Variants in CCDC60 observed in about 807,000 individuals in gnomAD.
The protein encoded by CCDC60 is coiled-coil domain containing 60.
In CCDC60, 54 loss-of-function variants were observed where a neutral mutation model predicts 63.5. The observed-to-expected ratio is 0.85, with a 90% confidence interval of 0.68 to 1.07. CCDC60 has a LOEUF of 1.07. Ranked by LOEUF, CCDC60 falls within the 50% of genes least tolerant of loss-of-function variation. CCDC60 has a pLI of 0.00. For synonymous variants in CCDC60, 206 were observed against 238.8 expected (o/e 0.86, Z 1.27); for missense variants, 651 against 684.3 (o/e 0.95, Z 0.54).
intron 1 of CCDC60, among the ~76,000 whole-genome samples, chr12:119,354,291 C>A (rs888778213): frequency 2.0e-5 from 3 of 152,184 alleles, no homozygotes; most frequent in African/African-American, 7.2e-5. Context: ...GACTTTCAGA[C>A]CAATTGCTAG....
intron 2 of CCDC60, among the ~76,000 whole-genome samples, chr12:119,432,609 T>C (rs1043798797): frequency 6.6e-6 from 1 of 152,136 alleles, no homozygotes; most frequent in Non-Finnish European, 1.5e-5. Context: ...TGTAGACAAA[T>C]GGCTGTTGAT....
intron 1 of CCDC60, among the ~76,000 whole-genome samples, chr12:119,340,965 C>T (rs1162838390): frequency 1.3e-5 from 2 of 152,200 alleles, no homozygotes; most frequent in African/African-American, 4.8e-5. Flanking sequence ...TTATATCACT[C>T]ATGACTTAAG....
In CCDC60 at chr12:119,430,743, C is replaced by T. The variant is rs1566005158; in HGVS notation, c.170+1981C>T. 4.0e-5 allele frequency among the ~76,000 whole-genome samples: 6 copies of T among 151,524 alleles called. No homozygotes were observed. In the South Asian group the frequency reaches 1.3e-3, roughly 32 times the overall value. On this transcript the variant is annotated intron_variant, in intron 2 of 13. Coordinates refer to ENST00000327554, the MANE Select transcript of CCDC60 (RefSeq NM_178499.5). ...GCCATCTGCAAGCCTAGGAGAGAGA[C>T]CTCAGGAGAAACCGACCCTGCTGGC...
chr12:119,399,984 A>G (rs1956359527), intron 1 of CCDC60, among the ~76,000 whole-genome samples: 1 of 151,936 alleles, frequency 6.6e-6, no homozygotes, highest in African/African-American at 2.4e-5. Context: ...TGAAAATGCT[A>G]CTAAGCTAGT....
chr12:119,335,620 T>G (rs1324004859), intron 1 of CCDC60, among the ~76,000 whole-genome samples: 1 of 151,840 alleles, frequency 6.6e-6, no homozygotes, highest in African/African-American at 2.4e-5. Flanking sequence ...TCTGTTCATG[T>G]CCTTTGCCCA....
chr12:119,379,092 T>C (rs533896531), intron 1 of CCDC60, among the ~76,000 whole-genome samples: 11 of 152,264 alleles, frequency 7.2e-5, no homozygotes, highest in African/African-American at 1.9e-4. Flanking sequence ...AATTCCAGCA[T>C]TGAAGAGGAG....
chr12:119,392,892 C>T (rs1038068272), intron 1 of CCDC60, among the ~76,000 whole-genome samples: 1 of 152,144 alleles, frequency 6.6e-6, no homozygotes, highest in Admixed American at 6.5e-5. Flanking sequence ...CAGTGGCTTA[C>T]ACCTGTAATC....
intron 9 of CCDC60, among the ~76,000 whole-genome samples, chr12:119,520,772 C>A (rs1952504921): frequency 6.6e-6 from 1 of 152,124 alleles, no homozygotes; most frequent in South Asian, 2.1e-4. Flanking sequence ...AAACTCCTGA[C>A]CTCAAGTGAT....
At chr12:119,427,738 A>G (rs1956926693) in intron 1 of CCDC60, among the ~76,000 whole-genome samples, 1 of 152,206 alleles carries the variant, frequency 6.6e-6, no homozygotes, top group South Asian at 2.1e-4. Flanking sequence ...TTTAAAAAAA[A>G]TCCTAAGGTG....
At position 119,335,181 on chromosome 12, in the gene CCDC60, C is replaced by G; in HGVS notation, c.5C>G (p.Thr2Ser). ...AAAACCTGAAGGATTTTTAAGATGA[C>G]CAAGGTTCCAGCCACCAAGAAGCTT... is the stretch of plus-strand genomic sequence containing the variant. M[T>S]KVPATKKLQS... Residue 2 changes from threonine to serine, a missense_variant, in exon 1 of 14, where the codon ACC becomes AGC. Physicochemically the swap from Thr to Ser is moderately conservative, Grantham distance 58. Coordinates refer to ENST00000327554, the MANE Select transcript of CCDC60 (RefSeq NM_178499.5). The G allele has an allele frequency of 1.9e-6, 3 of 1,604,794 alleles. No individual in the cohort carries two copies. Among genetic ancestry groups the G allele is most frequent in the Non-Finnish European group, 2.6e-6 (3 of 1,176,374 alleles).
chr12:119,533,466 T>C (rs1275163050), intron 13 of CCDC60, among the ~76,000 whole-genome samples: 1 of 152,238 alleles, frequency 6.6e-6, no homozygotes, highest in African/African-American at 2.4e-5. Context: ...CCATTGCTTT[T>C]GGTGTTTTAG....
intron 1 of CCDC60, among the ~76,000 whole-genome samples, chr12:119,414,772 A>G (rs1956670439): frequency 6.6e-6 from 1 of 152,006 alleles, no homozygotes; most frequent in Non-Finnish European, 1.5e-5. Flanking sequence ...GGCTGGTCTC[A>G]AACGCCTGGC....
chr12:119,354,128 C>T (rs574218946), intron 1 of CCDC60, among the ~76,000 whole-genome samples: 27 of 152,172 alleles, frequency 1.8e-4, no homozygotes, highest in African/African-American at 6.0e-4. Context: ...CTCTCTCTTT[C>T]TCTGTCTACC....
chr12:119,428,092 T>C (rs185834529), intron 1 of CCDC60, among the ~76,000 whole-genome samples: 55 of 152,168 alleles, frequency 3.6e-4, no homozygotes, highest in African/African-American at 1.2e-3. Flanking sequence ...CAAGGCAAAT[T>C]AATAGGGAGA....
intron 2 of CCDC60, among the ~76,000 whole-genome samples, chr12:119,462,788 C>T (rs1259912344): frequency 7.2e-6 from 1 of 139,666 alleles, no homozygotes; most frequent in Non-Finnish European, 1.6e-5. Flanking sequence ...GCCCAACTAA[C>T]TTCATTTATT....
chr12:119,520,968 A>T (rs1036228985), intron 9 of CCDC60, among the ~76,000 whole-genome samples: 1 of 152,180 alleles, frequency 6.6e-6, no homozygotes, highest in African/African-American at 2.4e-5. Flanking sequence ...TGGGGTTATA[A>T]ACTTTTATGT....
chr12:119,533,155 T>C (rs1952905181), intron 13 of CCDC60, among the ~76,000 whole-genome samples: 1 of 152,248 alleles, frequency 6.6e-6, no homozygotes, highest in African/African-American at 2.4e-5. Context: ...GATTTGCAAT[T>C]ATCTAATGAC....
intron 2 of CCDC60, among the ~76,000 whole-genome samples, chr12:119,450,436 A>C (rs912887849): frequency 6.6e-6 from 1 of 152,212 alleles, no homozygotes; most frequent in Non-Finnish European, 1.5e-5. Context: ...TTTTAAAATA[A>C]AGGATGAGTA....
chr12:119,360,497 G>A (rs1310343538), intron 1 of CCDC60, among the ~76,000 whole-genome samples: 1 of 151,428 alleles, frequency 6.6e-6, no homozygotes, highest in Non-Finnish European at 1.5e-5. Context: ...TTCTCAGATG[G>A]GGCGGCTGCC....
Sources: allele counts gnomAD v4.1 joint callset (sites outside exome capture counted in the v4.1 genomes callset), GRCh38; gene constraint gnomAD v4.1.1; transcripts MANE v1.5; gene names NCBI Gene and HGNC (gene_info 2026-07-23, HGNC 2026-07-21).